Variants in MED14 observed in about 807,000 individuals in gnomAD.
MED14 encodes the protein mediator of RNA polymerase II transcription subunit 14.
Under a neutral mutation model 109.0 loss-of-function variants are expected in MED14, and 8 were observed. The ratio of observed to expected loss-of-function variants is 0.07; its 90% CI spans 0.04 to 0.13. The LOEUF is 0.13. Ranked by LOEUF, MED14 falls within the 10% of genes least tolerant of loss-of-function variation. The pLI, the probability that MED14 is intolerant of heterozygous loss-of-function variation, is 1.00. For missense variants in MED14, 711 were observed against 1,142.4 expected (o/e 0.62, Z 5.44); for synonymous variants, 399 against 408.7 (o/e 0.98, Z 0.29).
chrX:40,725,980 T>C (rs5918031), intron 3 of MED14, among the ~76,000 whole-genome samples: 28,535 of 111,554 alleles, frequency 0.26, 3,057 homozygotes, highest in African/African-American at 0.42. Flanking sequence ...TTCAGTAAAG[T>C]TGCAGAATAC....
Position 40,651,808 on chromosome X carries a change from A to G in MED14, c.4363T>C (p.Ter1455GlnextTer10). 1 of 1,192,839 alleles carries G rather than the reference A, an allele frequency of 8.4e-7. No individual in the cohort carries two copies. The highest frequency in any genetic ancestry group is 1.9e-5 in the South Asian group (1 of 53,027). The part of the protein sequence containing the change: ...NLTLPPGGRP[*>Q] ...TCCTGGTTTAAAAACAATAGTGTCT[A>G]TGGACGCCCACCAGGGGGCAGTGTA... is the stretch of plus-strand genomic sequence containing the variant. The change falls in exon 31 of 31, where the codon TAG becomes CAG. Residue 1455 changes from the stop codon to glutamine, a stop_lost. Transcript: ENST00000324817.
intron 15 of MED14, 110 bp downstream of exon 15, chrX:40,692,073 G>A (rs1260184994): frequency 1.4e-6 from 1 of 700,708 alleles, no homozygotes; most frequent in African/African-American, 2.2e-5. Flanking sequence ...AAAATGAACA[G>A]GATCACAAAC....
chrX:40,720,700 A>C (rs1413489813), intron 3 of MED14, among the ~76,000 whole-genome samples: 1 of 109,655 alleles, frequency 9.1e-6, no homozygotes, highest in Non-Finnish European at 1.9e-5. Flanking sequence ...CCCTTCCACA[A>C]ACCCCAGGCA....
intron 28 of MED14, among the ~76,000 whole-genome samples, chrX:40,656,974 G>GC (rs766427000): frequency 2.7e-5 from 3 of 109,340 alleles, no homozygotes; most frequent in South Asian, 7.9e-4. Flanking sequence ...TGCAGCCTTT[G>GC]CCTTCTGGGT....
chrX:40,735,355 C>T lies in MED14; in HGVS notation c.58G>A (p.Gly20Ser). The change falls in exon 1 of 31, where the codon GGC (glycine) becomes AGC (serine). Residue 20 changes from glycine to serine, a missense_variant. Coordinates refer to ENST00000324817, the MANE Select transcript of MED14 (RefSeq NM_004229.4). ...QLVPPGGGGGGSGGPPSAPAP... is the reference protein window; with the variant it reads ...QLVPPGGGGGSSGGPPSAPAP... ...GGGGCTGACGGGGGTCCGCCGCTGC[C>T]CCCGCCGCCGCCTCCGGGCGGGACC... 1.9e-6 allele frequency: 2 copies of T among 1,064,919 alleles called. No individual in the cohort carries two copies. The highest frequency in any genetic ancestry group is 2.6e-5 in the South Asian group (1 of 39,106). 87.8% of individuals were successfully genotyped at this position (1,064,919 alleles called of 1,213,427 possible).
chrX:40,658,312 G>A (rs956294450), intron 28 of MED14, among the ~76,000 whole-genome samples: 5 of 109,853 alleles, frequency 4.6e-5, no homozygotes, highest in East Asian at 2.9e-4. Context: ...GGCTGGTCTC[G>A]AGCTCCTGAG....
intron 30 of MED14, 127 bp from the exon 31 acceptor site, chrX:40,652,006 T>A (rs1928896843): frequency 1.5e-6 from 1 of 652,303 alleles, no homozygotes; most frequent in Non-Finnish European, 2.1e-6. Flanking sequence ...AAGACAATTT[T>A]AACTGCCCAG....
chrX:40,650,303 CTGAT>C lies in MED14; in HGVS notation c.*1499_*1502del. On this transcript the variant is annotated 3_prime_UTR_variant, in exon 31 of 31. Coordinates refer to ENST00000324817, the MANE Select transcript of MED14 (RefSeq NM_004229.4). ...AAGAAAGGCAAAGAAGGCTTCAACT[CTGAT>C]TGAAAATGAGTGGAGAATCAAACAA... 4.0e-6 allele frequency: 3 copies of C among 754,003 alleles called. No individual in the cohort carries two copies. Among genetic ancestry groups the C allele is most frequent in the Non-Finnish European group, 4.7e-6 (3 of 639,004 alleles). 62.1% of individuals were successfully genotyped at this position (754,003 alleles called of 1,213,427 possible).
At chrX:40,665,563 A>G (rs1664482593) in intron 24 of MED14, among the ~76,000 whole-genome samples, 1 of 111,725 alleles carries the variant, frequency 9.0e-6, no homozygotes, top group South Asian at 3.7e-4. Context: ...AAAAAACCAA[A>G]GACCAACCAA....
At position 40,713,059 on chromosome X, in the gene MED14, A is replaced by G. The variant is rs1025665984; in HGVS notation, c.653-17T>C. On this transcript the variant is annotated splice_polypyrimidine_tract_variant and intron_variant, in intron 5 of 30. Transcript: ENST00000324817. ...GGCCATTTGCTTTTAGAAGAAAAAGATGAAGAAAAAGAAGTGTACTTTGCT... is the reference window on the plus strand; with the variant it reads ...GGCCATTTGCTTTTAGAAGAAAAAGGTGAAGAAAAAGAAGTGTACTTTGCT... 4 of 1,152,974 alleles carry G rather than the reference A, an allele frequency of 3.5e-6. No individual in the cohort carries two copies. The highest frequency in any genetic ancestry group is 4.6e-6 in the Non-Finnish European group (4 of 860,847).
At chrX:40,726,112 A>AT (rs1931886072) in intron 3 of MED14, among the ~76,000 whole-genome samples, 1 of 111,636 alleles carries the variant, frequency 9.0e-6, no homozygotes, top group Non-Finnish European at 1.9e-5. Context: ...TTTTTGGTAG[A>AT]TTTTAGCATC....
chrX:40,735,293 G>T lies in MED14; in HGVS notation c.120C>A (p.Ala40=). The change falls in exon 1 of 31, where the codon GCC becomes GCA. Residue 40 remains alanine (A), a synonymous_variant. Coordinates refer to ENST00000324817, the MANE Select transcript of MED14 (RefSeq NM_004229.4). ...AGCCCGGGCTAGCCGCAGCTGCAGC[G>T]GCCGCCGCCACGGCGGCTCCCGGGG... ...PPPPGAAVAA[A]AAAAASPGYR... is the part of the protein sequence containing the mutation. 1.8e-6 allele frequency: 2 copies of T among 1,133,297 alleles called. No homozygotes were observed. Among genetic ancestry groups the T allele is most frequent in the Non-Finnish European group, 2.3e-6 (2 of 857,106 alleles). The allele number at this position is 1,133,297 out of a possible 1,213,427, so 93.4% of individuals were successfully genotyped here.
intron 16 of MED14, among the ~76,000 whole-genome samples, chrX:40,683,367 T>C (rs1930189702): frequency 8.9e-6 from 1 of 111,815 alleles, no homozygotes; most frequent in South Asian, 3.7e-4. Context: ...CAGAATGATA[T>C]AGTACAAAGA....
intron 24 of MED14, among the ~76,000 whole-genome samples, chrX:40,665,680 C>T (rs969946466): frequency 2.2e-4 from 25 of 112,383 alleles, no homozygotes; most frequent in Admixed American, 2.1e-3. Flanking sequence ...TACTCCCTGG[C>T]GATGATGCAG....
Position 40,648,691 on chromosome X carries a change from T to A in MED14, c.*3115A>T, listed in dbSNP as rs1379477157. ...ATTTTATATTGACCTAAATATGCCCTTTCATCAATCAGTTATATTCTTGGG... is the reference window on the plus strand; with the variant it reads ...ATTTTATATTGACCTAAATATGCCCATTCATCAATCAGTTATATTCTTGGG... On this transcript the variant is annotated 3_prime_UTR_variant, in exon 31 of 31. Coordinates refer to ENST00000324817, the MANE Select transcript of MED14 (RefSeq NM_004229.4). The A allele has an allele frequency of 1.8e-5, 2 of 112,596 alleles. No homozygotes were observed. Among genetic ancestry groups the A allele is most frequent in the Non-Finnish European group, 3.8e-5 (2 of 53,299 alleles). The allele number at this position is 112,596 out of a possible 1,213,427, so 9.3% of individuals were successfully genotyped here. A position where few individuals can be genotyped will look rare whatever the true frequency, so the allele number is the denominator to read the frequency against.
Position 40,735,317 on chromosome X carries a change from G to C in MED14, c.96C>G (p.Pro32=). ...CGGCCGCCGCCACGGCGGCTCCCGG[G>C]GGAGGAGGGGCTGGGGCTGACGGGG... ...GGPPSAPAPP[P]PGAAVAAAAA... The change falls in exon 1 of 31, where the codon CCC becomes CCG. Residue 32 remains proline (P), a synonymous_variant. Transcript: ENST00000324817. 1 of 1,124,091 alleles carries C rather than the reference G, an allele frequency of 8.9e-7. No individual in the cohort carries two copies. The highest frequency in any genetic ancestry group is 1.2e-6 in the Non-Finnish European group (1 of 852,109). 92.6% of individuals were successfully genotyped at this position (1,124,091 alleles called of 1,213,427 possible). A position where few individuals can be genotyped will look rare whatever the true frequency, so the allele number is the denominator to read the frequency against.
intron 21 of MED14, among the ~76,000 whole-genome samples, chrX:40,676,464 T>G (rs1314224772): frequency 9.0e-6 from 1 of 111,645 alleles, no homozygotes; most frequent in African/African-American, 3.3e-5. Flanking sequence ...GATGGCTGAG[T>G]AGCAACTAGA....
At chrX:40,663,355 C>T (rs1384870859) in intron 25 of MED14, among the ~76,000 whole-genome samples, 195 bp from the exon 26 acceptor site, 1 of 111,577 alleles carries the variant, frequency 9.0e-6, no homozygotes, top group Non-Finnish European at 1.9e-5. Flanking sequence ...TATATCCAGG[C>T]CCCTTGCAAT....
At chrX:40,723,581 G>A (rs776729251) in intron 3 of MED14, among the ~76,000 whole-genome samples, 4 of 100,254 alleles carry the variant, frequency 4.0e-5, no homozygotes, top group East Asian at 3.2e-4. Context: ...CAGTAGAATC[G>A]CTTGAATCTG....
Sources: allele counts gnomAD v4.1 joint callset (sites outside exome capture counted in the v4.1 genomes callset), GRCh38; gene constraint gnomAD v4.1.1; transcripts MANE v1.5; gene names NCBI Gene and HGNC (gene_info 2026-07-23, HGNC 2026-07-21).